VAT1L: variants seen among roughly 807,000 people sequenced by gnomAD.
VAT1L encodes putative NADPH-dependent quinone oxidoreductase VAT1L.
In VAT1L, 34 loss-of-function variants were observed where a neutral mutation model predicts 44.1. That is an observed-to-expected ratio of 0.77 (90% CI 0.59 to 1.03). The LOEUF (loss-of-function observed/expected upper bound fraction) is 1.03, where lower values mean the gene tolerates loss of function less well. Among genes scored for constraint, VAT1L ranks in the 50% least tolerant of loss-of-function variants. The pLI, the probability that VAT1L is intolerant of heterozygous loss-of-function variation, is 0.00. For missense variants in VAT1L, 615 were observed against 538.8 expected, an observed-to-expected ratio of 1.14 and a Z score of -1.40; for synonymous variants, 253 against 202.2, an observed-to-expected ratio of 1.25 and a Z score of -2.13.
chr16:77,811,868 C>T (rs773841348), intron 1 of VAT1L, among the ~76,000 whole-genome samples: 3 of 152,102 alleles, frequency 2.0e-5, no homozygotes, highest in Non-Finnish European at 4.4e-5. Context: ...GACCACCAAG[C>T]GTCTCTTCCT....
At chr16:77,904,119 T>G (rs1597091578) in intron 7 of VAT1L, among the ~76,000 whole-genome samples, 1 of 150,498 alleles carries the variant, frequency 6.6e-6, no homozygotes, top group African/African-American at 2.4e-5. Context: ...TATTCCCCCA[T>G]CAAAAGAGAA....
At position 77,884,833 on chromosome 16, in the gene VAT1L, ACTC is replaced by A; in HGVS notation, c.1077+35_1077+37del. 3 of 1,431,514 alleles carry A rather than the reference ACTC, an allele frequency of 2.1e-6. No individual in the cohort carries two copies. Among genetic ancestry groups the A allele is most frequent in the Non-Finnish European group, 9.2e-7 (1 of 1,090,478 alleles). 88.7% of individuals were successfully genotyped at this position (1,431,514 alleles called of 1,614,324 possible). A position where few individuals can be genotyped will look rare whatever the true frequency, so the allele number is the denominator to read the frequency against. On this transcript the variant is annotated intron_variant, in intron 7 of 8. Coordinates refer to ENST00000302536, the MANE Select transcript of VAT1L (RefSeq NM_020927.3). The surrounding 1 kb of genome is among the most constrained non-coding windows in gnomAD (Gnocchi z 4.5). ...AATGGTGCTTTTCTTCTGCAAATAA[ACTC>A]CTCTTTTTAACTCAGGAAGGTTTGG... is the stretch of plus-strand genomic sequence containing the variant.
intron 4 of VAT1L, among the ~76,000 whole-genome samples, chr16:77,867,773 T>C (rs1333430606): frequency 1.3e-5 from 2 of 151,726 alleles, no homozygotes; most frequent in African/African-American, 4.8e-5. Flanking sequence ...ACAGGAGAAT[T>C]GCTTGAACCC....
intron 3 of VAT1L, among the ~76,000 whole-genome samples, chr16:77,835,142 A>G (rs2016625435): frequency 6.6e-6 from 1 of 152,136 alleles, no homozygotes; most frequent in Non-Finnish European, 1.5e-5. Flanking sequence ...TCGTAAATGC[A>G]GTAAATACTT....
intron 7 of VAT1L, among the ~76,000 whole-genome samples, chr16:77,902,299 T>C (rs537983094): frequency 3.6e-4 from 55 of 152,346 alleles, no homozygotes; most frequent in Non-Finnish European, 6.8e-4. Context: ...CATCTGTATA[T>C]GTCAAGGGAC....
intron 7 of VAT1L, among the ~76,000 whole-genome samples, chr16:77,971,496 A>C (rs934329416): frequency 6.6e-6 from 1 of 152,170 alleles, no homozygotes; most frequent in Non-Finnish European, 1.5e-5. Context: ...TTCAGAAAAT[A>C]TCTCTATTGG....
chr16:77,943,204 T>A (rs1239074966), intron 7 of VAT1L, among the ~76,000 whole-genome samples: 2 of 143,082 alleles, frequency 1.4e-5, no homozygotes, highest in Non-Finnish European at 3.1e-5. Context: ...TTACAGGCAC[T>A]CACCACCACA....
At chr16:77,977,236 G>A (rs142111516) in intron 8 of VAT1L, among the ~76,000 whole-genome samples, 2 of 152,292 alleles carry the variant, frequency 1.3e-5, no homozygotes, top group East Asian at 3.9e-4. Context: ...GCTCTAAGAT[G>A]TGTCCCCCAG....
At chr16:77,864,468 T>C (rs2016949468) in intron 4 of VAT1L, among the ~76,000 whole-genome samples, 1 of 152,042 alleles carries the variant, frequency 6.6e-6, no homozygotes, top group Admixed American at 6.5e-5. Context: ...TAGATGAGCA[T>C]GGTGATGCAT....
At chr16:77,799,541 G>C (rs2145211412) in intron 1 of VAT1L, among the ~76,000 whole-genome samples, 2 of 93,506 alleles carry the variant, frequency 2.1e-5, no homozygotes, top group South Asian at 8.1e-4. Context: ...GTGTGTGTGT[G>C]TGTGTGTGTG....
chr16:77,972,564 T>C (rs1199118772), intron 8 of VAT1L, among the ~76,000 whole-genome samples: 4 of 152,094 alleles, frequency 2.6e-5, no homozygotes, highest in Non-Finnish European at 5.9e-5. Context: ...GTGGATCATC[T>C]GAGGTCAGGA....
chr16:77,897,247 A>C (rs1197274013), intron 7 of VAT1L, among the ~76,000 whole-genome samples: 1 of 152,190 alleles, frequency 6.6e-6, no homozygotes, highest in Admixed American at 6.5e-5. Flanking sequence ...CACCTCTGGA[A>C]TCCACACTTC....
chr16:77,794,413 A>T (rs1351621293), intron 1 of VAT1L, among the ~76,000 whole-genome samples: 1 of 152,172 alleles, frequency 6.6e-6, no homozygotes. Flanking sequence ...TTGACCCAGA[A>T]CACCCATGCT....
At chr16:77,876,325 C>A in intron 4 of VAT1L, 45 bp from the exon 5 acceptor site, 2 of 1,523,424 alleles carry the variant, frequency 1.3e-6, no homozygotes, top group Non-Finnish European at 1.8e-6. Context: ...GACAGTCTGG[C>A]TCCTGACAGG....
intron 4 of VAT1L, among the ~76,000 whole-genome samples, chr16:77,863,636 C>T (rs546286697): frequency 2.0e-5 from 3 of 152,188 alleles, no homozygotes; most frequent in East Asian, 1.9e-4. Context: ...AAAGGAAAGT[C>T]GTGTGCATGC....
chr16:77,960,915 G>A (rs191849331), intron 7 of VAT1L, among the ~76,000 whole-genome samples: 7 of 152,124 alleles, frequency 4.6e-5, no homozygotes, highest in South Asian at 2.1e-4. Flanking sequence ...CATGGGTCAC[G>A]CGCTGAGTCT....
At chr16:77,822,863 T>C (rs1255032733) in intron 2 of VAT1L, among the ~76,000 whole-genome samples, 2 of 152,086 alleles carry the variant, frequency 1.3e-5, no homozygotes, top group Non-Finnish European at 2.9e-5. Flanking sequence ...GTGGTTCAGG[T>C]GTCTTTTCTG....
intron 7 of VAT1L, among the ~76,000 whole-genome samples, chr16:77,941,673 G>A (rs750380866): frequency 6.6e-6 from 1 of 151,980 alleles, no homozygotes; most frequent in Non-Finnish European, 1.5e-5. Flanking sequence ...GCAACCTCCA[G>A]CTCCCGGGTT....
chr16:77,961,314 A>G lies in VAT1L; in HGVS notation c.1078-10536A>G, dbSNP rs1329197928. Reference sequence around the variant, plus strand: ...CTGCCCACTCCGCTTTGCTAAGTCAACCCTCTCTAAATCACCATGAACCGG... The same window carrying G: ...CTGCCCACTCCGCTTTGCTAAGTCAGCCCTCTCTAAATCACCATGAACCGG... On this transcript the variant is annotated intron_variant, in intron 7 of 8. Transcript: ENST00000302536. Among the ~76,000 whole-genome samples, 3 of 151,844 alleles carry G rather than the reference A, an allele frequency of 2.0e-5. No homozygotes were observed. In the East Asian group the frequency reaches 5.8e-4, roughly 29 times the overall value.
Sources: gnomAD v4.1 joint callset for allele counts (sites outside exome capture counted in the v4.1 genomes callset) on GRCh38, gnomAD v4.1.1 for gene constraint, Gnocchi (gnomAD v3.1) non-coding constraint, MANE v1.5 for transcripts, NCBI Gene and HGNC (gene_info 2026-07-23, HGNC 2026-07-21) for gene names.